Variants in KCNN3 observed in about 807,000 individuals in gnomAD.
KCNN3 encodes the protein potassium calcium-activated channel subfamily N member 3.
In KCNN3, 16 loss-of-function variants were observed where a neutral mutation model predicts 62.9. That is an observed-to-expected ratio of 0.25 (90% CI 0.17 to 0.39). The LOEUF (loss-of-function observed/expected upper bound fraction) is 0.39, where lower values mean the gene tolerates loss of function less well. KCNN3 is among the 10% of genes least tolerant of loss of function. The probability of loss-of-function intolerance (pLI) is 1.00; values close to 1 mark genes in which losing one functional copy is unlikely to be tolerated. For synonymous variants in KCNN3, 370 were observed against 389.2 expected, an observed-to-expected ratio of 0.95 and a Z score of 0.58; for missense variants, 599 against 949.4, an observed-to-expected ratio of 0.63 and a Z score of 4.85.
intron 5 of KCNN3, among the ~76,000 whole-genome samples, chr1:154,716,410 T>A (rs930761793): frequency 6.6e-6 from 1 of 152,278 alleles, no homozygotes; most frequent in Non-Finnish European, 1.5e-5. Flanking sequence ...GAAAGGATTT[T>A]AATAAAATTA....
Position 154,772,500 on chromosome 1 carries a change from A to G in KCNN3, c.1030-107T>C, listed in dbSNP as rs909569819. ...TGGGGCAGGCTGCTGGGCTCAGGTC[A>G]GCCTGACCACCTCAGCATGCTCTTT... On this transcript the variant is annotated intron_variant, in intron 2 of 7. Transcript: ENST00000271915. This position sits in a 1 kb window ranked among gnomAD's most constrained non-coding sequence, Gnocchi z 5.6. 1.0e-5 allele frequency: 11 copies of G among 1,068,124 alleles called. No individual in the cohort carries two copies. The highest frequency in any genetic ancestry group is 1.6e-5 in the Non-Finnish European group (11 of 704,384). The allele number at this position is 1,068,124 out of a possible 1,614,324, so 66.2% of individuals were successfully genotyped here.
At chr1:154,785,572 C>CTTTTTTTTTTTT (rs59033291) in intron 2 of KCNN3, among the ~76,000 whole-genome samples, 1 of 107,980 alleles carries the variant, frequency 9.3e-6, no homozygotes, top group African/African-American at 3.8e-5. Flanking sequence ...TTTTCTTTTT[C>CTTTTTTTTTTTT]TTTTTTTTTT....
chr1:154,869,521 C>T lies in KCNN3; in HGVS notation c.444G>A (p.Gly148=). ...GHSPSSTATS[G]PGGGSRHRQA... is the part of the protein sequence containing the mutation. ...GTCGGTGCCGGCTGCCTCCGCCAGG[C>T]CCACTTGTAGCTGTGGAACTTGGAG... The change falls in exon 1 of 8, where the codon GGG becomes GGA. Residue 148 remains glycine (G), a synonymous_variant. Transcript: ENST00000271915. The surrounding 1 kb of genome is among the most constrained non-coding windows in gnomAD (Gnocchi z 6.1). The T allele has an allele frequency of 6.2e-7, 1 of 1,614,046 alleles. No homozygotes were observed. Among genetic ancestry groups the T allele is most frequent in the Non-Finnish European group, 8.5e-7 (1 of 1,180,004 alleles).
chr1:154,863,475 G>A (rs1408785520), intron 1 of KCNN3, among the ~76,000 whole-genome samples: 1 of 152,106 alleles, frequency 6.6e-6, no homozygotes, highest in Admixed American at 6.5e-5. Context: ...GAGTAAAGTG[G>A]TATTTCATCA....
chr1:154,799,041 C>A (rs2101871574), intron 2 of KCNN3, among the ~76,000 whole-genome samples: 1 of 152,046 alleles, frequency 6.6e-6, no homozygotes, highest in Non-Finnish European at 1.5e-5. Context: ...CTCAGCCTCC[C>A]AAGTAGCTGG....
intron 2 of KCNN3, among the ~76,000 whole-genome samples, chr1:154,780,165 G>T (rs1462115073): frequency 3.3e-5 from 5 of 149,686 alleles, no homozygotes; most frequent in Non-Finnish European, 7.4e-5. Flanking sequence ...GGGTAGGCAT[G>T]CAGGGAAGCT....
intron 2 of KCNN3, among the ~76,000 whole-genome samples, chr1:154,820,430 C>G (rs1161721020): frequency 6.6e-6 from 1 of 152,178 alleles, no homozygotes; most frequent in Non-Finnish European, 1.5e-5. Context: ...ATGGTTCTGC[C>G]TTTTTTCTTT....
At chr1:154,708,640 C>CCGTCTT (rs1310016290) in intron 7 of KCNN3, among the ~76,000 whole-genome samples, 1 of 151,782 alleles carries the variant, frequency 6.6e-6, no homozygotes, top group Non-Finnish European at 1.5e-5. Flanking sequence ...CCAGAGAAGA[C>CCGTCTT]GCTGGTGGGG....
chr1:154,840,548 T>C (rs755365568), intron 1 of KCNN3, among the ~76,000 whole-genome samples: 13 of 152,190 alleles, frequency 8.5e-5, no homozygotes, highest in Non-Finnish European at 1.9e-4. Context: ...CCAATCCTTG[T>C]CATTCAAAGG....
chr1:154,729,420 G>C (rs1700544064), intron 4 of KCNN3, among the ~76,000 whole-genome samples: 1 of 152,056 alleles, frequency 6.6e-6, no homozygotes, highest in South Asian at 2.1e-4. Flanking sequence ...ATGGAGAGAG[G>C]GTGGCTGGGA....
At chr1:154,709,460 A>G (rs1020101879) in intron 7 of KCNN3, among the ~76,000 whole-genome samples, 3 of 152,172 alleles carry the variant, frequency 2.0e-5, no homozygotes, top group Admixed American at 6.5e-5. Context: ...AGATATGGAC[A>G]TGATTTATGC....
In KCNN3 at chr1:154,702,683, T is replaced by G. The variant is rs1223535071; in HGVS notation, c.*5293A>C. ...TTCTTGAGTGAAGCTGGACGTTGGC[T>G]GCTTCGATCTGATTCAGATATATAT... On this transcript the variant is annotated 3_prime_UTR_variant, in exon 8 of 8. Transcript: ENST00000271915. 3 of 138,196 alleles carry G rather than the reference T, an allele frequency of 2.2e-5. No individual in the cohort carries two copies. The highest frequency in any genetic ancestry group is 8.0e-5 in the African/African-American group (3 of 37,622). 8.6% of individuals were successfully genotyped at this position (138,196 alleles called of 1,614,324 possible). A position where few individuals can be genotyped will look rare whatever the true frequency, so the allele number is the denominator to read the frequency against.
In KCNN3 at chr1:154,766,416, TTATA is replaced by T. The variant is rs373253800; in HGVS notation, c.1448+5555_1448+5558del. On this transcript the variant is annotated intron_variant, in intron 3 of 7. Transcript: ENST00000271915. ...CCATTTATTAAATACTAGCCAGGCT[TTATA>T]TATATATATATATATATATATATGT... 7.9e-4 allele frequency among the ~76,000 whole-genome samples: 57 copies of T among 71,804 alleles called. 4 individuals are homozygous for T. The highest frequency in any genetic ancestry group is 1.7e-3 in the African/African-American group (34 of 19,738). The allele number at this position is 71,804 out of a possible 152,430, so 47.1% of individuals were successfully genotyped here. A position where few individuals can be genotyped will look rare whatever the true frequency, so the allele number is the denominator to read the frequency against.
At chr1:154,716,985 G>C (rs1700246707) in intron 5 of KCNN3, among the ~76,000 whole-genome samples, 1 of 152,206 alleles carries the variant, frequency 6.6e-6, no homozygotes, top group African/African-American at 2.4e-5. Flanking sequence ...AAAGCCTCAA[G>C]GAAACTGGAA....
intron 3 of KCNN3, among the ~76,000 whole-genome samples, chr1:154,759,700 CCTGGCATTTAA>C (rs1293553331): frequency 2.0e-5 from 3 of 152,144 alleles, no homozygotes; most frequent in Non-Finnish European, 2.9e-5. Flanking sequence ...AAGAAGGAAC[CCTGGCATTTAA>C]CTGGGTCTCC....
rs1553242199 is a variant in KCNN3, at chr1:154,869,723, G to GGTTGCTGCT, written c.241_242insAGCAGCAAC (p.Gln78_Gln80dup). ...GGCGAGCTGAGACAGGGGATGCGGT[G>GGTTGCTGCT]GCTGCTGCTGCTGCTGCTGCTGCTG... On this transcript the variant is annotated inframe_insertion, in exon 1 of 8. Coordinates refer to ENST00000271915, the MANE Select transcript of KCNN3 (RefSeq NM_002249.6). This position sits in a 1 kb window ranked among gnomAD's most constrained non-coding sequence, Gnocchi z 6.1. 8.0e-6 allele frequency: 12 copies of GGTTGCTGCT among 1,506,422 alleles called. No homozygotes were observed. The highest frequency in any genetic ancestry group is 1.1e-5 in the Non-Finnish European group (12 of 1,117,050). The allele number at this position is 1,506,422 out of a possible 1,614,324, so 93.3% of individuals were successfully genotyped here. A position where few individuals can be genotyped will look rare whatever the true frequency, so the allele number is the denominator to read the frequency against.
chr1:154,850,754 C>A (rs145008290), intron 1 of KCNN3, among the ~76,000 whole-genome samples: 4 of 152,170 alleles, frequency 2.6e-5, no homozygotes, highest in Non-Finnish European at 4.4e-5. Flanking sequence ...ATATCTTTAG[C>A]GTTTTGTATC....
At chr1:154,846,860 C>T (rs1652083287) in intron 1 of KCNN3, among the ~76,000 whole-genome samples, 1 of 152,222 alleles carries the variant, frequency 6.6e-6, no homozygotes, top group Admixed American at 6.5e-5. Context: ...GGCCCTGGTG[C>T]TGTGTATCCA....
In KCNN3 at chr1:154,862,311, C is replaced by T. The variant is rs975562500; in HGVS notation, c.933+6721G>A. Among the ~76,000 whole-genome samples the T allele has an allele frequency of 1.3e-5, 2 of 152,264 alleles. No individual in the cohort carries two copies. The highest frequency in any genetic ancestry group is 4.8e-5 in the African/African-American group (2 of 41,546). On this transcript the variant is annotated intron_variant, in intron 1 of 7. Transcript: ENST00000271915. This position sits in a 1 kb window ranked among gnomAD's most constrained non-coding sequence, Gnocchi z 4.1. ...GCCCTGGGCCAGCCACCGTGAGGGT[C>T]ATGAGGGACCCAGGGGTGAAAATGC...
Sources: gnomAD v4.1 joint callset for allele counts (sites outside exome capture counted in the v4.1 genomes callset) on GRCh38, gnomAD v4.1.1 for gene constraint, Gnocchi (gnomAD v3.1) non-coding constraint, MANE v1.5 for transcripts, NCBI Gene and HGNC (gene_info 2026-07-23, HGNC 2026-07-21) for gene names.